Variants in PTPRD observed in about 807,000 individuals in gnomAD.
PTPRD encodes protein tyrosine phosphatase receptor type D.
Under a neutral mutation model 214.5 loss-of-function variants are expected in PTPRD, and 34 were observed. That is an observed-to-expected ratio of 0.16 (90% CI 0.12 to 0.21). The LOEUF (loss-of-function observed/expected upper bound fraction) is 0.21, where lower values mean the gene tolerates loss of function less well. Among genes scored for constraint, PTPRD ranks in the 10% least tolerant of loss-of-function variants. PTPRD has a pLI of 1.00. For missense variants in PTPRD, 2,545 were observed against 2,398.7 expected, an observed-to-expected ratio of 1.06 and a Z score of -1.27; for synonymous variants, 1,128 against 845.7, an observed-to-expected ratio of 1.33 and a Z score of -5.79.
chr9:10,283,423 C>A (rs1327286647), intron 3 of PTPRD, among the ~76,000 whole-genome samples: 1 of 152,092 alleles, frequency 6.6e-6, no homozygotes, highest in Non-Finnish European at 1.5e-5. Context: ...GTCCTCAACA[C>A]GATAAGAATT....
intron 9 of PTPRD, among the ~76,000 whole-genome samples, chr9:9,280,151 T>G (rs1947141270): frequency 6.6e-6 from 1 of 151,258 alleles, no homozygotes; most frequent in Non-Finnish European, 1.5e-5. Flanking sequence ...TGACAAATAC[T>G]CTCATGGCCC....
chr9:9,864,664 G>A (rs147115916), intron 5 of PTPRD, among the ~76,000 whole-genome samples: 28 of 151,988 alleles, frequency 1.8e-4, no homozygotes, highest in African/African-American at 5.1e-4. Flanking sequence ...GACCACAGGC[G>A]CACACCACCA....
intron 11 of PTPRD, among the ~76,000 whole-genome samples, chr9:8,999,308 G>A (rs921376623): frequency 2.6e-5 from 4 of 152,066 alleles, no homozygotes; most frequent in East Asian, 1.9e-4. Context: ...TTAAAAAACC[G>A]CAACAGCCAC....
chr9:10,097,005 C>T (rs905361849), intron 3 of PTPRD, among the ~76,000 whole-genome samples: 19 of 151,940 alleles, frequency 1.3e-4, no homozygotes, highest in Non-Finnish European at 2.5e-4. Context: ...ATCCTTTCCT[C>T]ATTGCTTGTT....
intron 9 of PTPRD, among the ~76,000 whole-genome samples, chr9:9,357,747 T>C (rs2054385441): frequency 6.6e-6 from 1 of 151,018 alleles, no homozygotes; most frequent in Admixed American, 6.6e-5. Context: ...AAGAGGGCAA[T>C]AGTGCAGACT....
intron 11 of PTPRD, among the ~76,000 whole-genome samples, chr9:8,918,790 C>T (rs2098805109): frequency 6.6e-6 from 1 of 152,116 alleles, no homozygotes; most frequent in South Asian, 2.1e-4. Flanking sequence ...TAGTTTATGA[C>T]ACAATATTGT....
intron 14 of PTPRD, among the ~76,000 whole-genome samples, chr9:8,595,140 G>A (rs958984173): frequency 6.7e-6 from 1 of 150,204 alleles, no homozygotes; most frequent in African/African-American, 2.5e-5. Context: ...TGGGATTACA[G>A]GTGTGAGCCA....
intron 7 of PTPRD, among the ~76,000 whole-genome samples, chr9:9,636,427 T>C (rs1376953316): frequency 6.6e-6 from 1 of 152,144 alleles, no homozygotes; most frequent in East Asian, 1.9e-4. Context: ...CCTTCACCTT[T>C]CTCCAATGAC....
At chr9:8,386,732 T>A (rs535824386) in intron 37 of PTPRD, among the ~76,000 whole-genome samples, 12 of 152,174 alleles carry the variant, frequency 7.9e-5, no homozygotes, top group Non-Finnish European at 1.8e-4. Context: ...AGTTATAACA[T>A]TGTTTTTATA....
At chr9:9,824,854 A>C (rs539331514) in intron 5 of PTPRD, among the ~76,000 whole-genome samples, 6 of 152,182 alleles carry the variant, frequency 3.9e-5, no homozygotes, top group Admixed American at 3.3e-4. Context: ...GCTCTATACC[A>C]GTATTCATGT....
At chr9:9,049,310 C>T (rs938608996) in intron 10 of PTPRD, among the ~76,000 whole-genome samples, 10 of 152,214 alleles carry the variant, frequency 6.6e-5, no homozygotes, top group African/African-American at 2.2e-4. Context: ...TCATGGAACC[C>T]TAGTTGGAAA....
At chr9:9,835,152 A>G (rs2056370062) in intron 5 of PTPRD, among the ~76,000 whole-genome samples, 1 of 152,098 alleles carries the variant, frequency 6.6e-6, no homozygotes, top group Admixed American at 6.6e-5. Context: ...AATTTAATAC[A>G]TAGTGTTAGT....
chr9:8,972,856 C>A (rs1029258596), intron 11 of PTPRD, among the ~76,000 whole-genome samples: 1 of 151,852 alleles, frequency 6.6e-6, no homozygotes, highest in African/African-American at 2.4e-5. Flanking sequence ...TAAATGGTGA[C>A]AACATTCAAC....
chr9:9,783,935 C>G (rs531731163), intron 5 of PTPRD, among the ~76,000 whole-genome samples: 1 of 151,618 alleles, frequency 6.6e-6, no homozygotes, highest in Non-Finnish European at 1.5e-5. Context: ...GAGACTAAAG[C>G]CATAGGTTAG....
chr9:8,959,785 G>A (rs929209827), intron 11 of PTPRD, among the ~76,000 whole-genome samples: 3 of 151,980 alleles, frequency 2.0e-5, no homozygotes, highest in Non-Finnish European at 4.4e-5. Flanking sequence ...GAAAACTTTT[G>A]AGTGCTTTAG....
chr9:9,629,779 A>C (rs2095533857), intron 7 of PTPRD, among the ~76,000 whole-genome samples: 1 of 152,156 alleles, frequency 6.6e-6, no homozygotes, highest in Admixed American at 6.5e-5. Context: ...ACCGCTAGAG[A>C]CAGGTGATTA....
Position 8,693,189 on chromosome 9 carries a change from C to T in PTPRD, c.64+40591G>A, listed in dbSNP as rs547770434. Among the ~76,000 whole-genome samples, 68 of 152,304 alleles carry T rather than the reference C, an allele frequency of 4.5e-4. 1 individual carries two copies. In the South Asian group the frequency reaches 9.7e-3, roughly 22 times the overall value. On this transcript the variant is annotated intron_variant, in intron 12 of 45. Coordinates refer to ENST00000381196, the MANE Select transcript of PTPRD (RefSeq NM_002839.4). ...GTTTTTTCCACTGTCTCTCAGTCCA[C>T]CACCACAACTCCCACCTATACTTTT...
At chr9:8,553,271 A>C (rs1252857366) in intron 14 of PTPRD, among the ~76,000 whole-genome samples, 1 of 152,202 alleles carries the variant, frequency 6.6e-6, no homozygotes, top group Non-Finnish European at 1.5e-5. Context: ...TAGTGAAAGA[A>C]AAAAAGGAAA....
At chr9:9,289,907 G>C (rs186939696) in intron 9 of PTPRD, among the ~76,000 whole-genome samples, 1 of 151,496 alleles carries the variant, frequency 6.6e-6, no homozygotes, top group East Asian at 2.0e-4. Flanking sequence ...GAATAATGCT[G>C]CAAAAAAACA....
Sources: allele counts gnomAD v4.1 joint callset (sites outside exome capture counted in the v4.1 genomes callset), GRCh38; gene constraint gnomAD v4.1.1; transcripts MANE v1.5; gene names NCBI Gene and HGNC (gene_info 2026-07-23, HGNC 2026-07-21).